The following NYAP2 variants were observed in gnomAD, a reference collection of about 807,000 sequenced individuals.
NYAP2 encodes neuronal tyrosine-phosphorylated phosphoinositide-3-kinase adapter 2.
A neutral mutation model predicts 50.4 loss-of-function variants in NYAP2; 23 were observed. That is an observed-to-expected ratio of 0.46 (90% CI 0.33 to 0.65). The LOEUF (loss-of-function observed/expected upper bound fraction) is 0.65, where lower values mean the gene tolerates loss of function less well. Among genes scored for constraint, NYAP2 ranks in the 30% least tolerant of loss-of-function variants. NYAP2 has a pLI of 0.02. For missense variants in NYAP2, 885 were observed against 861.0 expected, an observed-to-expected ratio of 1.03 and a Z score of -0.35; for synonymous variants, 394 against 365.2, an observed-to-expected ratio of 1.08 and a Z score of -0.90.
chr2:225,407,653 T>C (rs981381042), intron 2 of NYAP2, among the ~76,000 whole-genome samples: 1 of 152,004 alleles, frequency 6.6e-6, no homozygotes, highest in Non-Finnish European at 1.5e-5. Flanking sequence ...TTACATCAAA[T>C]AGTTGGGCTG....
At chr2:225,432,340 G>A (rs1448248573) in intron 3 of NYAP2, among the ~76,000 whole-genome samples, 3 of 150,416 alleles carry the variant, frequency 2.0e-5, no homozygotes, top group African/African-American at 2.4e-5. Flanking sequence ...GACTGATCAG[G>A]GATATTATAT....
At chr2:225,606,129 A>T (rs1049114079) in intron 5 of NYAP2, among the ~76,000 whole-genome samples, 1 of 152,118 alleles carries the variant, frequency 6.6e-6, no homozygotes, top group Admixed American at 6.6e-5. Context: ...ATTTACAGTT[A>T]AGCAAATAGA....
At chr2:225,683,586 A>G in the NYAP2 span, among the ~76,000 whole-genome samples, 6 of 152,284 alleles carry the variant, frequency 3.9e-5, no homozygotes, top group South Asian at 2.1e-4. Context: ...TGAGACACCA[A>G]TGGAATCCCT....
chr2:225,682,646 A>G, the NYAP2 span, among the ~76,000 whole-genome samples: 1 of 152,178 alleles, frequency 6.6e-6, no homozygotes, highest in African/African-American at 2.4e-5. Context: ...TCATTTCTTC[A>G]GGCTCTTAGA....
the NYAP2 span, among the ~76,000 whole-genome samples, chr2:225,673,394 CAT>C: frequency 6.6e-6 from 1 of 152,006 alleles, no homozygotes; most frequent in Non-Finnish European, 1.5e-5. Flanking sequence ...TAAGTGATCA[CAT>C]AGTGTTGGAA....
intron 6 of NYAP2, among the ~76,000 whole-genome samples, chr2:225,644,399 C>T (rs1211120626): frequency 3.0e-4 from 45 of 151,116 alleles, no homozygotes; most frequent in African/African-American, 8.5e-4. Context: ...GTTGCCTGTT[C>T]ACTCTGATGG....
chr2:225,412,489 C>T (rs1255042541), intron 3 of NYAP2, among the ~76,000 whole-genome samples: 1 of 151,696 alleles, frequency 6.6e-6, no homozygotes, highest in Non-Finnish European at 1.5e-5. Flanking sequence ...ACATATGCCA[C>T]ATTATGTGGA....
chr2:225,662,771 T>G, the NYAP2 span, among the ~76,000 whole-genome samples: 6 of 152,010 alleles, frequency 3.9e-5, no homozygotes, highest in African/African-American at 1.5e-4. Context: ...GGGGTAGAGG[T>G]TTTTCGGGAG....
At chr2:225,459,247 G>A (rs1689785691) in intron 3 of NYAP2, among the ~76,000 whole-genome samples, 1 of 152,134 alleles carries the variant, frequency 6.6e-6, no homozygotes, top group Non-Finnish European at 1.5e-5. Context: ...TTATTGATAT[G>A]CACCTGTCTT....
At chr2:225,564,612 T>C (rs975848276) in intron 4 of NYAP2, among the ~76,000 whole-genome samples, 2 of 151,590 alleles carry the variant, frequency 1.3e-5, no homozygotes, top group African/African-American at 4.9e-5. Context: ...CCCACCTAAC[T>C]CTTCAAGAAT....
intron 3 of NYAP2, among the ~76,000 whole-genome samples, chr2:225,448,808 C>A (rs963141158): frequency 6.6e-6 from 1 of 152,248 alleles, no homozygotes; most frequent in Non-Finnish European, 1.5e-5. Flanking sequence ...ATGAGCAGTT[C>A]TAAGTTTAGG....
intron 4 of NYAP2, among the ~76,000 whole-genome samples, chr2:225,581,062 A>G (rs1692261694): frequency 6.6e-6 from 1 of 152,190 alleles, no homozygotes; most frequent in Non-Finnish European, 1.5e-5. Context: ...CTATTGTATG[A>G]TGTCAGAAGT....
chr2:225,496,336 A>G (rs1355548505), intron 3 of NYAP2, among the ~76,000 whole-genome samples: 2 of 152,156 alleles, frequency 1.3e-5, no homozygotes, highest in African/African-American at 4.8e-5. Context: ...TGGGGAGAAG[A>G]TTTCAAGAAA....
At chr2:225,622,563 C>CTTTCTT (rs1559232937) in intron 5 of NYAP2, among the ~76,000 whole-genome samples, 458 of 43,664 alleles carry the variant, frequency 0.01, 4 homozygotes, top group Middle Eastern at 0.052. Context: ...CTTTCTTTTT[C>CTTTCTT]TTTCTTTCTT....
intron 2 of NYAP2, among the ~76,000 whole-genome samples, chr2:225,403,858 G>A (rs561093742): frequency 6.6e-6 from 1 of 152,076 alleles, no homozygotes; most frequent in African/African-American, 2.4e-5. Context: ...CAGTGTACAT[G>A]TCCATTCTAG....
exon 7 of NYAP2, chr2:225,651,495 T>G (rs1559241017): frequency 1.2e-6 from 2 of 1,613,968 alleles, no homozygotes; most frequent in Non-Finnish European, 8.5e-7. Flanking sequence ...CCTCCATCAG[T>G]CACTCCCCTC....
downstream of NYAP2, among the ~76,000 whole-genome samples, chr2:225,656,741 TGAA>T (rs1435518097): frequency 2.0e-5 from 3 of 152,072 alleles, no homozygotes; most frequent in Non-Finnish European, 4.4e-5. Flanking sequence ...AAGACCAGGG[TGAA>T]GGACTTAGGT....
intron 5 of NYAP2, among the ~76,000 whole-genome samples, chr2:225,598,305 A>G (rs1252565615): frequency 6.6e-6 from 1 of 152,202 alleles, no homozygotes; most frequent in Admixed American, 6.6e-5. Flanking sequence ...TTCAAATGTA[A>G]TTTTTAAAAA....
At chr2:225,564,690 A>C (rs1691932765) in intron 4 of NYAP2, among the ~76,000 whole-genome samples, 1 of 152,066 alleles carries the variant, frequency 6.6e-6, no homozygotes, top group African/African-American at 2.4e-5. Context: ...AAATATAAAA[A>C]AAAAAAACAT....
Sources: allele counts gnomAD v4.1 joint callset (sites outside exome capture counted in the v4.1 genomes callset), GRCh38; gene constraint gnomAD v4.1.1; transcripts MANE v1.5; gene names NCBI Gene and HGNC (gene_info 2026-07-23, HGNC 2026-07-21).